The following RHBDD1 variants were observed in gnomAD, a reference collection of about 807,000 sequenced individuals.
The protein encoded by RHBDD1 is rhomboid domain containing 1.
A neutral mutation model predicts 36.3 loss-of-function variants in RHBDD1; 38 were observed. The observed-to-expected ratio is 1.05, with a 90% CI of 0.81 to 1.37. The LOEUF (loss-of-function observed/expected upper bound fraction) is 1.37, where lower values mean the gene tolerates loss of function less well. Among genes scored for constraint, RHBDD1 ranks in the 40% most tolerant of loss-of-function variants. The probability of loss-of-function intolerance (pLI) is 0.00; values close to 1 mark genes in which losing one functional copy is unlikely to be tolerated. For missense variants in RHBDD1, 393 were observed against 377.6 expected (o/e 1.04, Z -0.34); for synonymous variants, 151 against 136.5 (o/e 1.11, Z -0.74).
At chr2:226,907,914 A>T (rs1290766538) in intron 6 of RHBDD1, among the ~76,000 whole-genome samples, 1 of 152,128 alleles carries the variant, frequency 6.6e-6, no homozygotes, top group South Asian at 2.1e-4. Flanking sequence ...GATAAAAGAG[A>T]TGATTCTCGG....
chr2:226,831,852 T>TA (rs1239149464), upstream of RHBDD1, among the ~76,000 whole-genome samples: 2 of 152,258 alleles, frequency 1.3e-5, no homozygotes, highest in African/African-American at 4.8e-5. Flanking sequence ...TACAGTCTCT[T>TA]ACAATCCTTT....
At chr2:226,912,812 A>G (rs1453439673) in intron 7 of RHBDD1, among the ~76,000 whole-genome samples, 7 of 152,212 alleles carry the variant, frequency 4.6e-5, no homozygotes, top group Admixed American at 6.5e-5. Context: ...AAAATATACT[A>G]AAAACCACTG....
intron 5 of RHBDD1, among the ~76,000 whole-genome samples, chr2:226,881,064 A>G (rs982184826): frequency 2.0e-5 from 3 of 152,138 alleles, no homozygotes; most frequent in African/African-American, 4.8e-5. Context: ...ACTTATAATC[A>G]TGGTGGAAGG....
chr2:226,996,134 G>C lies in RHBDD1; in HGVS notation c.*612G>C, dbSNP rs1310629821. 1 of 152,806 alleles carries C rather than the reference G, an allele frequency of 6.5e-6. No homozygotes were observed. Among genetic ancestry groups the C allele is most frequent in the Non-Finnish European group, 1.5e-5 (1 of 68,534 alleles). The allele number at this position is 152,806 out of a possible 1,614,324, so 9.5% of individuals were successfully genotyped here. ...TGCCTTTATAGAAAGTCTTATTGAA[G>C]AAGTGTAAGAAAGACCTAAGGTGGG... On this transcript the variant is annotated 3_prime_UTR_variant, in exon 9 of 9. Transcript: ENST00000392062.
rs34134244 is a variant in RHBDD1 at position 226,914,283 on chromosome 2, C to T, written c.788C>T (p.Thr263Met). The change falls in exon 8 of 9, where the codon ACG becomes ATG. Residue 263 changes from threonine (T) to methionine (M), a missense_variant. Coordinates refer to ENST00000392062, the MANE Select transcript of RHBDD1 (RefSeq NM_001167608.3). ...GAAGAAGCACCCAGGAACTATGACACGTACACAGCAGGACTGAGTGAAGAA... is the reference window on the plus strand; with the variant it reads ...GAAGAAGCACCCAGGAACTATGACATGTACACAGCAGGACTGAGTGAAGAA... ...HYEEAPRNYD[T>M]YTAGLSEEEQ... The T allele has an allele frequency of 3.1e-3, 4,972 of 1,613,768 alleles. 19 individuals carry two copies. Among genetic ancestry groups the T allele is most frequent in the Non-Finnish European group, 3.6e-3 (4,189 of 1,179,794 alleles).
At chr2:226,903,846 G>T (rs1947803007) in intron 5 of RHBDD1, among the ~76,000 whole-genome samples, 1 of 152,184 alleles carries the variant, frequency 6.6e-6, no homozygotes, top group African/African-American at 2.4e-5. Flanking sequence ...ACAAGGAGAT[G>T]AACAGAAGAG....
intron 8 of RHBDD1, among the ~76,000 whole-genome samples, chr2:226,986,274 C>T (rs1956933843): frequency 6.6e-6 from 1 of 151,946 alleles, no homozygotes; most frequent in Non-Finnish European, 1.5e-5. Context: ...GGATTGGACC[C>T]CGAACAGAAA....
In RHBDD1 at chr2:226,959,153, G is replaced by A. The variant is rs1952003494; in HGVS notation, c.857-36278G>A. ...TCTCGGTTTCATAACTGAAATCTGG[G>A]TTGTAGTACACAGGTTGTTCTAGGA... On this transcript the variant is annotated intron_variant, in intron 8 of 8. Coordinates refer to ENST00000392062, the MANE Select transcript of RHBDD1 (RefSeq NM_001167608.3). 3.3e-5 allele frequency among the ~76,000 whole-genome samples: 5 copies of A among 152,112 alleles called. No individual in the cohort carries two copies. The South Asian group carries it at 1.0e-3, about 32-fold the overall frequency.
At chr2:226,851,357 G>C (rs537533235) in intron 3 of RHBDD1, among the ~76,000 whole-genome samples, 9 of 152,004 alleles carry the variant, frequency 5.9e-5, no homozygotes, top group African/African-American at 2.2e-4. Context: ...TAGAATTAGA[G>C]TTCCTGAGCT....
chr2:226,970,589 C>T (rs938015413), intron 8 of RHBDD1, among the ~76,000 whole-genome samples: 2 of 152,208 alleles, frequency 1.3e-5, no homozygotes, highest in African/African-American at 4.8e-5. Context: ...GCTGCTCAGG[C>T]AGCAGGTGTG....
chr2:226,826,342 T>C, the RHBDD1 span, among the ~76,000 whole-genome samples: 1 of 152,190 alleles, frequency 6.6e-6, no homozygotes, highest in Non-Finnish European at 1.5e-5. Context: ...TCAGTTCCGT[T>C]AGATTAATTG....
chr2:226,985,147 G>A (rs981989758), intron 8 of RHBDD1, among the ~76,000 whole-genome samples: 3 of 152,102 alleles, frequency 2.0e-5, no homozygotes, highest in Admixed American at 6.5e-5. Flanking sequence ...AGGAGGCTCC[G>A]GATCATTCCT....
chr2:226,936,532 T>C (rs1017973461), intron 8 of RHBDD1, among the ~76,000 whole-genome samples: 8 of 152,140 alleles, frequency 5.3e-5, no homozygotes, highest in Admixed American at 5.2e-4. Flanking sequence ...AATAATCATT[T>C]ATTGAAAGGC....
chr2:226,952,535 T>G (rs899644695), intron 8 of RHBDD1, among the ~76,000 whole-genome samples: 2 of 152,210 alleles, frequency 1.3e-5, no homozygotes, highest in African/African-American at 4.8e-5. Context: ...TGGCCTCATG[T>G]GATCTGCCCA....
intron 5 of RHBDD1, 27 bp from the exon 6 acceptor site, chr2:226,906,766 C>G (rs760256336): frequency 5.0e-6 from 8 of 1,613,790 alleles, no homozygotes; most frequent in Non-Finnish European, 5.1e-6. Flanking sequence ...AGAACAAACA[C>G]TCACAAAGGG....
the RHBDD1 span, among the ~76,000 whole-genome samples, chr2:226,801,483 C>T: frequency 2.0e-5 from 3 of 152,286 alleles, no homozygotes; most frequent in East Asian, 1.9e-4. Context: ...CAGAGGGGCT[C>T]CTCCCCACCC....
the RHBDD1 span, among the ~76,000 whole-genome samples, chr2:226,803,012 A>G: frequency 2.0e-5 from 3 of 152,218 alleles, no homozygotes; most frequent in Non-Finnish European, 4.4e-5. Context: ...AAAATTATAA[A>G]ACACTTTTTG....
chr2:226,951,164 C>G (rs1951400010), intron 8 of RHBDD1, among the ~76,000 whole-genome samples: 1 of 152,078 alleles, frequency 6.6e-6, no homozygotes, highest in African/African-American at 2.4e-5. Flanking sequence ...AGATAAAAAT[C>G]TAATATTGCC....
chr2:226,880,177 T>C (rs1349193689), intron 5 of RHBDD1, among the ~76,000 whole-genome samples: 1 of 152,190 alleles, frequency 6.6e-6, no homozygotes, highest in Admixed American at 6.5e-5. Context: ...ATGACAAGTG[T>C]ATATAGAATG....
Sources: gnomAD v4.1 joint callset for allele counts (sites outside exome capture counted in the v4.1 genomes callset) on GRCh38, gnomAD v4.1.1 for gene constraint, MANE v1.5 for transcripts, NCBI Gene and HGNC (gene_info 2026-07-23, HGNC 2026-07-21) for gene names.